Variants in CDYL2 observed in about 807,000 individuals in gnomAD.
The protein encoded by CDYL2 is chromodomain Y-like protein 2.
A neutral mutation model predicts 49.4 loss-of-function variants in CDYL2; 23 were observed. The ratio of observed to expected loss-of-function variants is 0.47; its 90% CI spans 0.34 to 0.66. The LOEUF (loss-of-function observed/expected upper bound fraction) is 0.66, where lower values mean the gene tolerates loss of function less well. CDYL2 is among the 30% of genes least tolerant of loss of function. The pLI, the probability that CDYL2 is intolerant of heterozygous loss-of-function variation, is 0.01. For synonymous variants in CDYL2, 360 were observed against 268.8 expected, an observed-to-expected ratio of 1.34 and a Z score of -3.32; for missense variants, 678 against 656.4, an observed-to-expected ratio of 1.03 and a Z score of -0.36.
At chr16:80,746,375 T>A (rs1462239347) in intron 1 of CDYL2, among the ~76,000 whole-genome samples, 1 of 152,194 alleles carries the variant, frequency 6.6e-6, no homozygotes, top group African/African-American at 2.4e-5. Context: ...AGAAAAAGGC[T>A]TCTTTAGACA....
At chr16:80,797,188 G>T (rs763174809) in intron 1 of CDYL2, among the ~76,000 whole-genome samples, 1 of 152,070 alleles carries the variant, frequency 6.6e-6, no homozygotes, top group African/African-American at 2.4e-5. Context: ...GTGCTCCTGA[G>T]CTTCAGGCAC....
intron 1 of CDYL2, among the ~76,000 whole-genome samples, chr16:80,732,496 G>A (rs1303443055): frequency 6.6e-6 from 1 of 152,126 alleles, no homozygotes; most frequent in East Asian, 1.9e-4. Context: ...GCTTGAATAT[G>A]CACAGAATAT....
At chr16:80,712,121 GTA>G (rs566004036) in intron 1 of CDYL2, among the ~76,000 whole-genome samples, 2,666 of 143,578 alleles carry the variant, frequency 0.019, 23 homozygotes, top group African/African-American at 0.029. Context: ...GTATATATGT[GTA>G]TATATATGTG....
chr16:80,632,988 C>T, intron 3 of CDYL2, 31 bp downstream of exon 3: 1 of 1,596,392 alleles, frequency 6.3e-7, no homozygotes, highest in Non-Finnish European at 8.6e-7. Context: ...CACAGCCCAG[C>T]TTGCCCTTCC....
chr16:80,792,755 C>T (rs1907650752), intron 1 of CDYL2, among the ~76,000 whole-genome samples: 1 of 152,162 alleles, frequency 6.6e-6, no homozygotes, highest in African/African-American at 2.4e-5. Context: ...CCCATCCCCA[C>T]AGCTGCTAGG....
chr16:80,751,224 C>T (rs1906125735), intron 1 of CDYL2, among the ~76,000 whole-genome samples: 1 of 152,136 alleles, frequency 6.6e-6, no homozygotes, highest in Non-Finnish European at 1.5e-5. Context: ...TTTTAGGAAA[C>T]CAATGTCCCT....
intron 2 of CDYL2, among the ~76,000 whole-genome samples, chr16:80,650,979 G>A (rs1214201858): frequency 9.0e-6 from 1 of 110,560 alleles, no homozygotes; most frequent in Non-Finnish European, 1.7e-5. Context: ...AAGGGCGGGG[G>A]GCGGGGGAGA....
At chr16:80,727,526 C>A (rs955070633) in intron 1 of CDYL2, among the ~76,000 whole-genome samples, 16 of 152,212 alleles carry the variant, frequency 1.1e-4, no homozygotes, top group African/African-American at 3.6e-4. Flanking sequence ...CGGGGAGGGG[C>A]GCCTGCCATT....
At chr16:80,640,307 G>C (rs942135806) in intron 2 of CDYL2, among the ~76,000 whole-genome samples, 1 of 152,168 alleles carries the variant, frequency 6.6e-6, no homozygotes, top group African/African-American at 2.4e-5. Context: ...GCACTGGTCA[G>C]AGTCATGAGG....
At chr16:80,627,030 T>C (rs1273627167) in intron 3 of CDYL2, among the ~76,000 whole-genome samples, 2 of 152,120 alleles carry the variant, frequency 1.3e-5, no homozygotes, top group African/African-American at 4.8e-5. Flanking sequence ...CTTTATACTG[T>C]TGGATGATTT....
Position 80,798,126 on chromosome 16 carries a change from T to A in CDYL2, c.24+6024A>T, listed in dbSNP as rs753318974. ...TGTGATCTCAGCTAACTGCAACCTC[T>A]GCCTTCCAGACTCAAGCAATCCCCC... On this transcript the variant is annotated intron_variant, in intron 1 of 6. Transcript: ENST00000570137. Among the ~76,000 whole-genome samples, 150 of 152,278 alleles carry A rather than the reference T, an allele frequency of 9.9e-4. 1 individual carries two copies. The highest frequency in any genetic ancestry group is 3.4e-4 in the Non-Finnish European group (23 of 68,000).
intron 4 of CDYL2, among the ~76,000 whole-genome samples, chr16:80,616,825 T>G (rs2142370908): frequency 6.6e-6 from 1 of 152,334 alleles, no homozygotes; most frequent in African/African-American, 2.4e-5. Context: ...CAGAGTATCT[T>G]TTTATTCTTT....
chr16:80,605,078 G>C (rs1258362070), intron 6 of CDYL2, among the ~76,000 whole-genome samples: 1 of 138,114 alleles, frequency 7.2e-6, no homozygotes, highest in Non-Finnish European at 1.5e-5. Flanking sequence ...AATCATTATA[G>C]TAAAGAGTAA....
chr16:80,734,253 C>T (rs949408314), intron 1 of CDYL2, among the ~76,000 whole-genome samples: 23 of 152,024 alleles, frequency 1.5e-4, no homozygotes, highest in South Asian at 4.2e-4. Flanking sequence ...GGTTGGGGGC[C>T]GGGGAAAGGC....
intron 1 of CDYL2, among the ~76,000 whole-genome samples, chr16:80,791,546 T>C (rs546916521): frequency 6.6e-6 from 1 of 152,118 alleles, no homozygotes; most frequent in African/African-American, 2.4e-5. Flanking sequence ...AGGGTGGAAA[T>C]CTCCTGATAA....
chr16:80,607,301 G>A (rs892012943), intron 6 of CDYL2, among the ~76,000 whole-genome samples: 1 of 151,754 alleles, frequency 6.6e-6, no homozygotes, highest in Non-Finnish European at 1.5e-5. Context: ...AACACAGTAG[G>A]TGCCAACAGT....
chr16:80,685,202 C>T, intron 1 of CDYL2, 73 bp from the exon 2 acceptor site: 2 of 1,195,928 alleles, frequency 1.7e-6, no homozygotes, highest in Non-Finnish European at 2.4e-6. Flanking sequence ...GCAACAAGAA[C>T]ACCATAAAGC....
chr16:80,733,971 T>C lies in CDYL2; in HGVS notation c.25-48842A>G, dbSNP rs76263160. 2.9e-3 allele frequency among the ~76,000 whole-genome samples: 446 copies of C among 152,294 alleles called. 3 individuals are homozygous for C. The highest frequency in any genetic ancestry group is 0.01 in the African/African-American group (416 of 41,570). ...TCCTCATGGCAAGACCCACAAGGCC[T>C]TTCAGAAATTATTCTGAATGGGAAA... On this transcript the variant is annotated intron_variant, in intron 1 of 6. Coordinates refer to ENST00000570137, the MANE Select transcript of CDYL2 (RefSeq NM_152342.4).
chr16:80,630,011 G>C (rs1907485677), intron 3 of CDYL2, among the ~76,000 whole-genome samples: 1 of 152,192 alleles, frequency 6.6e-6, no homozygotes, highest in Admixed American at 6.5e-5. Flanking sequence ...AACTTCCCAA[G>C]GTAACAGCAT....
Sources: gnomAD v4.1 joint callset for allele counts (sites outside exome capture counted in the v4.1 genomes callset) on GRCh38, gnomAD v4.1.1 for gene constraint, MANE v1.5 for transcripts, NCBI Gene and HGNC (gene_info 2026-07-23, HGNC 2026-07-21) for gene names.